Variants in KLF11 observed in about 807,000 individuals in gnomAD.
KLF11 encodes KLF transcription factor 11.
Under a neutral mutation model 29.9 loss-of-function variants are expected in KLF11, and 26 were observed. The observed-to-expected ratio is 0.87, with a 90% CI of 0.64 to 1.21. The LOEUF is 1.21. Among genes scored for constraint, KLF11 ranks in the 50% most tolerant of loss-of-function variants. KLF11 has a pLI of 0.00. For missense variants in KLF11, 778 were observed against 665.7 expected, an observed-to-expected ratio of 1.17 and a Z score of -1.86; for synonymous variants, 318 against 257.4, an observed-to-expected ratio of 1.24 and a Z score of -2.25.
chr2:10,052,332 T>G lies in KLF11; in HGVS notation c.1364T>G (p.Val455Gly). ...RRTHTGEKKFVCPVCDRRFMR... is the reference protein window; with the variant it reads ...RRTHTGEKKFGCPVCDRRFMR... The stretch of plus-strand genomic sequence containing the variant: ...ACTCACACAGGGGAGAAGAAGTTTG[T>G]GTGCCCGGTGTGTGACCGACGTTTC... The change falls in exon 4 of 4, where the codon GTG becomes GGG. Residue 455 changes from valine (V) to glycine (G), a missense_variant. Physicochemically the swap from Val to Gly is moderately radical, Grantham distance 109 (BLOSUM62 -3). Coordinates refer to ENST00000305883, the MANE Select transcript of KLF11 (RefSeq NM_003597.5). The G allele has an allele frequency of 1.2e-6, 2 of 1,614,136 alleles. No homozygotes were observed. Among genetic ancestry groups the G allele is most frequent in the East Asian group, 2.2e-5 (1 of 44,874 alleles).
intron 2 of KLF11, among the ~76,000 whole-genome samples, chr2:10,047,014 A>G (rs957344968): frequency 2.0e-5 from 3 of 152,126 alleles, no homozygotes; most frequent in African/African-American, 4.8e-5. Flanking sequence ...TCCCCAGGGG[A>G]ATCTCGGGGT....
At position 10,054,541 on chromosome 2, in the gene KLF11, TC is replaced by T. The variant is rs1203560144; in HGVS notation, c.*2036del. 1 of 152,662 alleles carries T rather than the reference TC, an allele frequency of 6.6e-6. No homozygotes were observed. The highest frequency in any genetic ancestry group is 1.5e-5 in the Non-Finnish European group (1 of 68,042). 9.5% of individuals were successfully genotyped at this position (152,662 alleles called of 1,614,324 possible). ...TGAAAGATTTTAAGTTGGAAACAGT[TC>T]CTGTCTGAAAACTCTTCTGAGAACC... On this transcript the variant is annotated 3_prime_UTR_variant, in exon 4 of 4. Coordinates refer to ENST00000305883, the MANE Select transcript of KLF11 (RefSeq NM_003597.5).
Position 10,048,473 on chromosome 2 carries a change from G to A in KLF11, c.1136G>A (p.Ser379Asn), listed in dbSNP as rs1181300031. Residue 379 changes from serine to asparagine, a missense_variant, in exon 3 of 4, where the codon AGC (serine) becomes AAC (asparagine). Physicochemically the swap from Ser to Asn is conservative, Grantham distance 46. Transcript: ENST00000305883. ...LAPAPVFITS[S>N]QNCVPQVDFS... ...CCTGCTCCAGTGTTCATCACCTCTA[G>A]CCAAAACTGTGTCCCTCAGGTAGAC... The A allele has an allele frequency of 6.2e-7, 1 of 1,613,920 alleles. No individual in the cohort carries two copies.
At chr2:10,047,493 A>G (rs1012756216) in intron 2 of KLF11, among the ~76,000 whole-genome samples, 157 bp from the exon 3 acceptor site, 8 of 152,370 alleles carry the variant, frequency 5.3e-5, no homozygotes, top group Admixed American at 2.0e-4. Context: ...CTGAGAAAGC[A>G]GAGTGCCTCA....
rs1286016580 is a variant in KLF11 at position 10,048,304 on chromosome 2, C to T, written c.967C>T (p.Pro323Ser). 3 of 1,600,022 alleles carry T rather than the reference C, an allele frequency of 1.9e-6. No individual in the cohort carries two copies. The highest frequency in any genetic ancestry group is 2.6e-6 in the Non-Finnish European group (3 of 1,171,492). ...TVRPILAQAA[P>S]APQPVFVGPA... ...GAGACCCATCCTAGCTCAGGCTGCT[C>T]CAGCGCCTCAACCTGTGTTCGTGGG... Residue 323 changes from proline to serine, a missense_variant, in exon 3 of 4, where the codon CCA (proline) becomes TCA (serine). Transcript: ENST00000305883.
chr2:10,051,710 G>A (rs1365879568), intron 3 of KLF11, among the ~76,000 whole-genome samples: 3 of 145,562 alleles, frequency 2.1e-5, no homozygotes, highest in Non-Finnish European at 3.0e-5. Flanking sequence ...GTAGAGATGG[G>A]GTTTCACCGT....
At chr2:10,043,913 C>T (rs1419045555) in intron 1 of KLF11, 155 bp downstream of exon 1, 17 of 1,030,834 alleles carry the variant, frequency 1.6e-5, no homozygotes, top group Non-Finnish European at 2.0e-5. Context: ...GGCTCCGGAG[C>T]CGGGCGGGGC....
rs201792575 is a variant in KLF11 at position 10,047,695 on chromosome 2, A to G, written c.358A>G (p.Arg120Gly). ...CCCTGATCTCGTGGAGCCATCGACA[A>G]GGACACCTGTTTCTCCCCAAGTAAC... ...QSPDLVEPSTRTPVSPQVTDS... is the reference protein window; with the variant it reads ...QSPDLVEPSTGTPVSPQVTDS... Residue 120 changes from arginine to glycine, a missense_variant, in exon 3 of 4, where the codon AGG (arginine) becomes GGG (glycine). Coordinates refer to ENST00000305883, the MANE Select transcript of KLF11 (RefSeq NM_003597.5). 1.4e-4 allele frequency: 225 copies of G among 1,613,468 alleles called. No individual in the cohort carries two copies. Among genetic ancestry groups the G allele is most frequent in the Admixed American group, 2.3e-4 (14 of 60,000 alleles).
rs370800766 is a variant in KLF11 at position 10,052,977 on chromosome 2, C to G, written c.*470C>G. On this transcript the variant is annotated 3_prime_UTR_variant, in exon 4 of 4. Transcript: ENST00000305883. The stretch of plus-strand genomic sequence containing the variant: ...TCAGTGTTTAATAACAAAGTTTTTC[C>G]TAATGGCCCTTCTTTTAGTAAACTG... 11 of 360,484 alleles carry G rather than the reference C, an allele frequency of 3.1e-5. No homozygotes were observed. Among genetic ancestry groups the G allele is most frequent in the African/African-American group, 1.3e-4 (6 of 47,976 alleles). 22.3% of individuals were successfully genotyped at this position (360,484 alleles called of 1,614,324 possible).
At chr2:10,045,018 C>T (rs149785004) in intron 1 of KLF11, among the ~76,000 whole-genome samples, 7 of 152,270 alleles carry the variant, frequency 4.6e-5, no homozygotes, top group African/African-American at 1.7e-4. Flanking sequence ...TGGTGGTGGG[C>T]GCCTGTAATC....
Position 10,053,252 on chromosome 2 carries a change from A to G in KLF11, c.*745A>G. ...TGTACCCCAGAGAGTAACATGAGCC[A>G]CTGGGCAGATCCCAGGGACCAGTAC... On this transcript the variant is annotated 3_prime_UTR_variant, in exon 4 of 4. Coordinates refer to ENST00000305883, the MANE Select transcript of KLF11 (RefSeq NM_003597.5). The G allele has an allele frequency of 2.5e-6, 1 of 398,768 alleles. No homozygotes were observed. Among genetic ancestry groups the G allele is most frequent in the Admixed American group, 4.4e-5 (1 of 22,734 alleles). 24.7% of individuals were successfully genotyped at this position (398,768 alleles called of 1,614,324 possible).
At chr2:10,048,684 A>G in intron 3 of KLF11, 89 bp downstream of exon 3, 1 of 976,604 alleles carries the variant, frequency 1.0e-6, no homozygotes, top group South Asian at 1.3e-5. Context: ...GGAGGGGATC[A>G]TGAGAACCCC....
intron 2 of KLF11, 26 bp from the exon 3 acceptor site, chr2:10,047,624 T>G (rs368678007): frequency 6.3e-7 from 1 of 1,593,016 alleles, no homozygotes; most frequent in African/African-American, 1.3e-5. Flanking sequence ...TAAAGCAACC[T>G]TTTAACATGG....
chr2:10,052,591 CA>C lies in KLF11; in HGVS notation c.*85del. ...CTGATGGATTCCTCTCCCACTGCCT[CA>C]CCCAAAAAAAACGGTCTTGGCGGCC... On this transcript the variant is annotated 3_prime_UTR_variant, in exon 4 of 4. Transcript: ENST00000305883. 2 of 1,467,516 alleles carry C rather than the reference CA, an allele frequency of 1.4e-6. No homozygotes were observed. The highest frequency in any genetic ancestry group is 1.9e-6 in the Non-Finnish European group (2 of 1,068,906). 90.9% of individuals were successfully genotyped at this position (1,467,516 alleles called of 1,614,324 possible). A position where few individuals can be genotyped will look rare whatever the true frequency, so the allele number is the denominator to read the frequency against.
chr2:10,049,115 C>T (rs996771590), intron 3 of KLF11, among the ~76,000 whole-genome samples: 4 of 152,166 alleles, frequency 2.6e-5, no homozygotes, highest in African/African-American at 7.2e-5. Context: ...AGAAACTATG[C>T]TGACCTAATG....
rs146945254 is a variant in KLF11, at chr2:10,050,235, C to A, written c.1258+1640C>A. Among the ~76,000 whole-genome samples the A allele has an allele frequency of 5.6e-3, 857 of 151,988 alleles. 1 individual carries two copies. The highest frequency in any genetic ancestry group is 9.1e-3 in the Non-Finnish European group (617 of 67,954). On this transcript the variant is annotated intron_variant, in intron 3 of 3. Transcript: ENST00000305883. Reference sequence around the variant, plus strand: ...CAGCCTGGCCAACATGGTGAAACCCCGTTTCTACTAAAAATACAAAAATTA... The same window carrying A: ...CAGCCTGGCCAACATGGTGAAACCCAGTTTCTACTAAAAATACAAAAATTA...
chr2:10,052,707 G>T lies in KLF11; in HGVS notation c.*200G>T. The T allele has an allele frequency of 2.1e-6, 1 of 465,414 alleles. No homozygotes were observed. Among genetic ancestry groups the T allele is most frequent in the Non-Finnish European group, 3.6e-6 (1 of 274,516 alleles). The allele number at this position is 465,414 out of a possible 1,614,324, so 28.8% of individuals were successfully genotyped here. ...CTGTTCAGTATCTTTTGTAGTTTCA[G>T]AAGTTTTTTTGTTTTGGTTTTTTTT... On this transcript the variant is annotated 3_prime_UTR_variant, in exon 4 of 4. Transcript: ENST00000305883.
intron 1 of KLF11, among the ~76,000 whole-genome samples, chr2:10,045,597 C>T (rs1470832320): frequency 3.9e-5 from 6 of 152,226 alleles, no homozygotes; most frequent in African/African-American, 2.4e-5. Context: ...ACTTCCACTC[C>T]CGAATCTGTG....
At position 10,047,744 on chromosome 2, in the gene KLF11, C is replaced by T. The variant is rs139111425; in HGVS notation, c.407C>T (p.Thr136Met). The T allele has an allele frequency of 6.7e-5, 108 of 1,613,632 alleles. No individual in the cohort carries two copies. Among genetic ancestry groups the T allele is most frequent in the Non-Finnish European group, 8.2e-5 (97 of 1,180,044 alleles). ...QVTDSKACTATDVLQSSAVVA... is the reference protein window; with the variant it reads ...QVTDSKACTAMDVLQSSAVVA... ...ACAGATTCCAAAGCATGTACAGCCA[C>T]GGATGTTCTCCAGTCCTCTGCCGTA... Residue 136 changes from threonine to methionine, a missense_variant, in exon 3 of 4, where the codon ACG becomes ATG. Coordinates refer to ENST00000305883, the MANE Select transcript of KLF11 (RefSeq NM_003597.5).
Sources: gnomAD v4.1 joint callset for allele counts (sites outside exome capture counted in the v4.1 genomes callset) on GRCh38, gnomAD v4.1.1 for gene constraint, MANE v1.5 for transcripts, NCBI Gene and HGNC (gene_info 2026-07-23, HGNC 2026-07-21) for gene names.